The following ATG7 variants were observed in gnomAD, a reference collection of about 807,000 sequenced individuals.
The protein encoded by ATG7 is autophagy related 7.
In ATG7, 70 loss-of-function variants were observed where a neutral mutation model predicts 82.4. That is an observed-to-expected ratio of 0.85 (90% CI 0.70 to 1.04). The LOEUF (loss-of-function observed/expected upper bound fraction) is 1.04. Among genes scored for constraint, ATG7 ranks in the 50% least tolerant of loss-of-function variants. The pLI is 0.00. For missense variants in ATG7, 792 were observed against 864.3 expected (o/e 0.92, Z 1.05); for synonymous variants, 287 against 313.0 (o/e 0.92, Z 0.88).
the ATG7 span, among the ~76,000 whole-genome samples, chr3:11,563,640 G>A: frequency 1.3e-5 from 2 of 152,168 alleles, no homozygotes; most frequent in African/African-American, 2.4e-5. Flanking sequence ...ACTTGGCCTC[G>A]GGTTCCATCA....
chr3:11,564,679 T>C, the ATG7 span: 2 of 1,239,868 alleles, frequency 1.6e-6, no homozygotes, highest in Admixed American at 4.5e-5. Flanking sequence ...ACCACCTCCC[T>C]CCCTCACCAC....
intron 1 of ATG7, among the ~76,000 whole-genome samples, chr3:11,275,621 G>T (rs1941603067): frequency 6.7e-6 from 1 of 150,116 alleles, no homozygotes; most frequent in African/African-American, 2.5e-5. Context: ...GCCTCTCAAA[G>T]TGCTGAGATT....
the ATG7 span, chr3:11,564,727 G>C: frequency 1.4e-6 from 2 of 1,446,982 alleles, no homozygotes; most frequent in Non-Finnish European, 1.8e-6. Context: ...TCCTCTGCTC[G>C]GGGCTCTCCA....
chr3:11,286,508 G>T (rs568167850), intron 3 of ATG7, among the ~76,000 whole-genome samples: 141 of 149,916 alleles, frequency 9.4e-4, no homozygotes, highest in Non-Finnish European at 1.4e-3. Context: ...GTTTCTTTTC[G>T]GGAGGATATC....
At chr3:11,421,724 C>G (rs979703139) in intron 19 of ATG7, among the ~76,000 whole-genome samples, 26 of 152,174 alleles carry the variant, frequency 1.7e-4, no homozygotes, top group African/African-American at 6.0e-4. Flanking sequence ...TTGCTTTGAT[C>G]AGATCCATCA....
intron 9 of ATG7, among the ~76,000 whole-genome samples, chr3:11,322,121 T>C (rs1406515749): frequency 1.3e-5 from 2 of 152,240 alleles, no homozygotes; most frequent in African/African-American, 4.8e-5. Context: ...TGATGTATGG[T>C]TGTTACTGTG....
chr3:11,406,452 C>G (rs900967770), intron 19 of ATG7, among the ~76,000 whole-genome samples: 10 of 152,054 alleles, frequency 6.6e-5, no homozygotes, highest in African/African-American at 2.4e-4. Context: ...ATTACAAGCA[C>G]CTGCTACTGT....
At chr3:11,440,674 C>CA (rs769737485) in intron 20 of ATG7, among the ~76,000 whole-genome samples, 3 of 39,484 alleles carry the variant, frequency 7.6e-5, no homozygotes, top group African/African-American at 3.3e-4. Flanking sequence ...TCCCCATTTG[C>CA]TTTTTTTTTT....
intron 3 of ATG7, among the ~76,000 whole-genome samples, chr3:11,295,992 G>A (rs940512017): frequency 6.6e-6 from 1 of 151,980 alleles, no homozygotes; most frequent in African/African-American, 2.4e-5. Context: ...TGGTCAGGCT[G>A]GTCTCAAACT....
At chr3:11,424,288 AT>A (rs1235836275) in intron 19 of ATG7, among the ~76,000 whole-genome samples, 3 of 152,160 alleles carry the variant, frequency 2.0e-5, no homozygotes, top group African/African-American at 4.8e-5. Context: ...AATATTTAAA[AT>A]TGTCTAATTT....
chr3:11,493,514 A>G (rs1281506147), intron 20 of ATG7, among the ~76,000 whole-genome samples: 2 of 152,176 alleles, frequency 1.3e-5, no homozygotes, highest in Non-Finnish European at 2.9e-5. Context: ...GTTTCAGGCT[A>G]CTTCTGGCTT....
chr3:11,562,776 C>T, the ATG7 span, among the ~76,000 whole-genome samples: 2 of 152,268 alleles, frequency 1.3e-5, no homozygotes, highest in Non-Finnish European at 2.9e-5. Context: ...CGGTCAGGGC[C>T]ACTGTGCCCT....
intron 14 of ATG7, among the ~76,000 whole-genome samples, chr3:11,350,952 G>C (rs2606741): frequency 7.2e-6 from 1 of 138,138 alleles, no homozygotes; most frequent in Non-Finnish European, 1.5e-5. Flanking sequence ...AAAAAAAGCA[G>C]TGATCCAATC....
chr3:11,426,962 A>T, intron 20 of ATG7, 36 bp downstream of exon 20: 1 of 1,543,228 alleles, frequency 6.5e-7, no homozygotes, highest in Non-Finnish European at 8.7e-7. Context: ...GTGAAGACTG[A>T]CATGCTTAAA....
At chr3:11,476,222 C>A (rs941591916) in intron 20 of ATG7, among the ~76,000 whole-genome samples, 6 of 152,130 alleles carry the variant, frequency 3.9e-5, no homozygotes, top group Non-Finnish European at 5.9e-5. Context: ...TTCCTTCTTC[C>A]TTGAGAGGGC....
chr3:11,456,258 GGCA>G (rs2085702924), intron 20 of ATG7, among the ~76,000 whole-genome samples: 1 of 152,086 alleles, frequency 6.6e-6, no homozygotes, highest in East Asian at 1.9e-4. Context: ...TCTTGTGACT[GGCA>G]TCTTCCACTT....
intron 19 of ATG7, among the ~76,000 whole-genome samples, chr3:11,423,624 T>A (rs1322282020): frequency 1.3e-5 from 2 of 152,186 alleles, no homozygotes; most frequent in Non-Finnish European, 2.9e-5. Flanking sequence ...AATGCCTTTT[T>A]TTTTTCCAGG....
At position 11,289,893 on chromosome 3, in the gene ATG7, G is replaced by A. The variant is rs74422234; in HGVS notation, c.-11+7455G>A. On this transcript the variant is annotated intron_variant, in intron 3 of 20. Coordinates refer to ENST00000693202, the MANE Select transcript of ATG7 (RefSeq NM_001349232.2). ...CTCTCTCTGTAAAAGTAGTTTATTT[G>A]TTCTGTTTACAAAGTACAGGGAAGG... Among the ~76,000 whole-genome samples the A allele has an allele frequency of 6.9e-3, 1,054 of 152,094 alleles. 9 individuals are homozygous for A. The highest frequency in any genetic ancestry group is 0.024 in the African/African-American group (1,000 of 41,476).
chr3:11,331,361 C>T lies in ATG7; in HGVS notation c.700C>T (p.Pro234Ser). ...ACAGATAACAATTGGTGTATATGATCCCTGTAACTTAGCCCAGTACCCTGG... is the reference window on the plus strand; with the variant it reads ...ACAGATAACAATTGGTGTATATGATTCCTGTAACTTAGCCCAGTACCCTGG... ...RTKITIGVYD[P>S]CNLAQYPGWP... Residue 234 changes from proline to serine, a missense_variant, in exon 10 of 21, where the codon CCC (proline) becomes TCC (serine). Physicochemically the swap from Pro to Ser is moderately conservative, Grantham distance 74. Coordinates refer to ENST00000693202, the MANE Select transcript of ATG7 (RefSeq NM_001349232.2). 1 of 1,613,566 alleles carries T rather than the reference C, an allele frequency of 6.2e-7. No individual in the cohort carries two copies. The highest frequency in any genetic ancestry group is 8.5e-7 in the Non-Finnish European group (1 of 1,179,474).
Sources: allele counts gnomAD v4.1 joint callset (sites outside exome capture counted in the v4.1 genomes callset), GRCh38; gene constraint gnomAD v4.1.1; transcripts MANE v1.5; gene names NCBI Gene and HGNC (gene_info 2026-07-23, HGNC 2026-07-21).